MTCL1: variants seen among roughly 807,000 people sequenced by gnomAD.
MTCL1 encodes the protein microtubule crosslinking factor 1, also known as microtubule cross-linking factor 1.
Under a neutral mutation model 141.4 loss-of-function variants are expected in MTCL1, and 79 were observed. The observed-to-expected ratio is 0.56, with a 90% CI of 0.47 to 0.67. The LOEUF (loss-of-function observed/expected upper bound fraction) is 0.67, where lower values mean the gene tolerates loss of function less well. Ranked by LOEUF, MTCL1 falls within the 30% of genes least tolerant of loss-of-function variation. The probability of loss-of-function intolerance (pLI) is 0.00; values close to 1 mark genes in which losing one functional copy is unlikely to be tolerated. For missense variants in MTCL1, 2,177 were observed against 2,113.9 expected, an observed-to-expected ratio of 1.03 and a Z score of -0.59; for synonymous variants, 914 against 875.8, an observed-to-expected ratio of 1.04 and a Z score of -0.77.
Position 8,810,358 on chromosome 18 carries a change from G to A in MTCL1, c.2605-2621G>A, listed in dbSNP as rs1037531967. On this transcript the variant is annotated intron_variant, in intron 11 of 16. Transcript: ENST00000359865. The surrounding 1 kb of genome is among the most constrained non-coding windows in gnomAD (Gnocchi z 5.0). ...GACAGTGCAGGGCCACTGATGACAC[G>A]AGGTTCCTCAGTAGGCAGGGGGATT... Among the ~76,000 whole-genome samples the A allele has an allele frequency of 6.6e-6, 1 of 152,182 alleles. No homozygotes were observed. The highest frequency in any genetic ancestry group is 2.1e-4 in the South Asian group (1 of 4,822).
At position 8,756,487 on chromosome 18, in the gene MTCL1, A is replaced by ATATGTGTGTG. The variant is rs1387128282; in HGVS notation, c.358-21343_358-21342insGTGTGTGTAT. On this transcript the variant is annotated intron_variant, in intron 4 of 16. Transcript: ENST00000359865. ...TGTGTATATGTGTGTATATGTGTGT[A>ATATGTGTGTG]TATATGTATATATGTGTGTATATAT... 6.3e-4 allele frequency among the ~76,000 whole-genome samples: 94 copies of ATATGTGTGTG among 149,732 alleles called. 2 individuals carry two copies. Among genetic ancestry groups the ATATGTGTGTG allele is most frequent in the African/African-American group, 2.3e-3 (92 of 39,810 alleles).
intron 5 of MTCL1, chr18:8,782,752 A>C (rs1432896470): frequency 6.6e-6 from 1 of 152,272 alleles, no homozygotes; most frequent in African/African-American, 2.4e-5. Context: ...CTTGCATGGC[A>C]AGAGGCTGCA....
intron 4 of MTCL1, among the ~76,000 whole-genome samples, chr18:8,741,358 C>T (rs1015048972): frequency 2.0e-5 from 3 of 152,194 alleles, no homozygotes; most frequent in Non-Finnish European, 2.9e-5. Flanking sequence ...CTTTGTTCAG[C>T]TTCTGCTTTC....
intron 5 of MTCL1, among the ~76,000 whole-genome samples, chr18:8,778,627 C>T (rs150934623): frequency 3.9e-4 from 60 of 152,316 alleles, no homozygotes; most frequent in Middle Eastern, 3.4e-3. Flanking sequence ...CTCCATTCTC[C>T]AAACTCACTG....
At chr18:8,718,121 CAG>C (rs892942427) in intron 2 of MTCL1, among the ~76,000 whole-genome samples, 1 of 152,118 alleles carries the variant, frequency 6.6e-6, no homozygotes, top group African/African-American at 2.4e-5. Context: ...CAATTATCTG[CAG>C]AGTTGATTTT....
chr18:8,740,010 C>A (rs1327911975), intron 4 of MTCL1, among the ~76,000 whole-genome samples: 2 of 152,180 alleles, frequency 1.3e-5, no homozygotes, highest in African/African-American at 4.8e-5. Context: ...GGATTACAGG[C>A]GTGAGCCACC....
At chr18:8,797,365 G>A (rs976625151) in intron 9 of MTCL1, among the ~76,000 whole-genome samples, 12 of 152,180 alleles carry the variant, frequency 7.9e-5, no homozygotes, top group African/African-American at 2.9e-4. Context: ...TCGATTCCCA[G>A]GTTTATAATA....
At chr18:8,831,900 T>C (rs1312187113) in exon 17 of MTCL1, 1 of 1,385,478 alleles carries the variant, frequency 7.2e-7, no homozygotes, top group Non-Finnish European at 9.9e-7. Context: ...GATCTAGTTT[T>C]CTCAAGGTCA....
intron 4 of MTCL1, among the ~76,000 whole-genome samples, chr18:8,748,522 G>A (rs1345238629): frequency 3.9e-5 from 6 of 151,996 alleles, no homozygotes; most frequent in African/African-American, 1.5e-4. Context: ...TCACCTGGGT[G>A]GGTGACAAAG....
chr18:8,718,697 C>T (rs1013376640), intron 3 of MTCL1, 49 bp downstream of exon 2: 10 of 1,557,078 alleles, frequency 6.4e-6, no homozygotes, highest in Admixed American at 3.3e-5. Flanking sequence ...TGTGGACCGG[C>T]TGGCCACATG....
At chr18:8,746,618 G>A (rs2096339744) in intron 4 of MTCL1, among the ~76,000 whole-genome samples, 1 of 152,094 alleles carries the variant, frequency 6.6e-6, no homozygotes, top group Non-Finnish European at 1.5e-5. Flanking sequence ...TTTCCTTCTT[G>A]CACGGAAGCC....
At chr18:8,817,337 G>A (rs2076690382) in intron 12 of MTCL1, among the ~76,000 whole-genome samples, 1 of 150,594 alleles carries the variant, frequency 6.6e-6, no homozygotes, top group African/African-American at 2.4e-5. Context: ...GGGAGGTGGA[G>A]GAGGAGAGAG....
chr18:8,718,645 G>C (rs751855372), exon 3 of MTCL1: 2 of 1,612,648 alleles, frequency 1.2e-6, no homozygotes, highest in Non-Finnish European at 1.7e-6. Flanking sequence ...AGCAGGACTT[G>C]AAGGTGAGTG....
chr18:8,825,133 C>T, exon 15 of MTCL1: 1 of 1,589,360 alleles, frequency 6.3e-7, no homozygotes. Flanking sequence ...ATCACGGCGG[C>T]AGGTGGTGAG....
At chr18:8,795,526 G>A (rs771257642) in intron 8 of MTCL1, among the ~76,000 whole-genome samples, 5 of 152,128 alleles carry the variant, frequency 3.3e-5, no homozygotes, top group Non-Finnish European at 5.9e-5. Flanking sequence ...TGTCTATACC[G>A]GGGGTGTTTA....
chr18:8,778,285 TG>T (rs1434343440), intron 5 of MTCL1, among the ~76,000 whole-genome samples: 3 of 152,256 alleles, frequency 2.0e-5, no homozygotes, highest in Non-Finnish European at 2.9e-5. Flanking sequence ...TGAATGTTGT[TG>T]TTTTTTAAAT....
chr18:8,807,801 G>C (rs920958836), intron 11 of MTCL1, among the ~76,000 whole-genome samples: 1 of 152,102 alleles, frequency 6.6e-6, no homozygotes. Context: ...CGTCTCTCGA[G>C]GTTTCTTCCA....
At chr18:8,762,481 C>A (rs556563828) in intron 4 of MTCL1, among the ~76,000 whole-genome samples, 81 of 152,384 alleles carry the variant, frequency 5.3e-4, no homozygotes, top group African/African-American at 1.9e-3. Context: ...GGGGGACACC[C>A]CCACTAAGGA....
chr18:8,830,406 G>A lies in MTCL1; in HGVS notation c.*19-1201G>A, dbSNP rs559082636. ...CCAGAGGGAGGCAGGGAAACCGCTC[G>A]CCCCATTGCTCTTCTGGAAGCCTGT... On this transcript the variant is annotated intron_variant, in intron 16 of 16. Coordinates refer to ENST00000359865, the Ensembl canonical transcript of MTCL1. The surrounding 1 kb of genome is among the most constrained non-coding windows in gnomAD (Gnocchi z 6.4). 409 of 985,370 alleles carry A rather than the reference G, an allele frequency of 4.2e-4. No homozygotes were observed. Among genetic ancestry groups the A allele is most frequent in the Admixed American group, 5.5e-4 (9 of 16,260 alleles). The allele number at this position is 985,370 out of a possible 1,614,324, so 61.0% of individuals were successfully genotyped here. A position where few individuals can be genotyped will look rare whatever the true frequency, so the allele number is the denominator to read the frequency against.
Sources: gnomAD v4.1 joint callset for allele counts (sites outside exome capture counted in the v4.1 genomes callset) on GRCh38, gnomAD v4.1.1 for gene constraint, Gnocchi (gnomAD v3.1) non-coding constraint, MANE v1.5 for transcripts, NCBI Gene and HGNC (gene_info 2026-07-23, HGNC 2026-07-21) for gene names.